Variants in PPP6R2 observed in about 807,000 individuals in gnomAD.
The protein encoded by PPP6R2 is serine/threonine-protein phosphatase 6 regulatory subunit 2.
PPP6R2 carries 62 observed loss-of-function variants against 100.2 expected under a neutral mutation model. The observed-to-expected ratio is 0.62, with a 90% CI of 0.50 to 0.76. PPP6R2 has a LOEUF of 0.76. PPP6R2 is among the 30% of genes least tolerant of loss of function. The pLI is 0.00. For missense variants in PPP6R2, 1,142 were observed against 1,276.3 expected (o/e 0.89, Z 1.60); for synonymous variants, 525 against 514.7 (o/e 1.02, Z -0.27).
intron 3 of PPP6R2, among the ~76,000 whole-genome samples, chr22:50,398,803 G>T (rs1462900324): frequency 6.6e-6 from 1 of 152,188 alleles, no homozygotes; most frequent in African/African-American, 2.4e-5. Context: ...TAAGATTACA[G>T]AAGACACTTT....
chr22:50,334,519 T>C, the PPP6R2 span, among the ~76,000 whole-genome samples: 1 of 152,350 alleles, frequency 6.6e-6, no homozygotes, highest in South Asian at 2.1e-4. Flanking sequence ...CTAGTATAGC[T>C]TCTCGTCGTA....
chr22:50,415,402 C>G (rs888075341), intron 5 of PPP6R2, among the ~76,000 whole-genome samples: 1 of 152,196 alleles, frequency 6.6e-6, no homozygotes, highest in Admixed American at 6.5e-5. Context: ...AATGACTGAC[C>G]GCCACCAACC....
At chr22:50,399,120 G>A (rs1305604202) in intron 3 of PPP6R2, among the ~76,000 whole-genome samples, 4 of 152,132 alleles carry the variant, frequency 2.6e-5, no homozygotes, top group Non-Finnish European at 5.9e-5. Context: ...GGTGGCCGGT[G>A]CCTGTAGTCC....
intron 4 of PPP6R2, among the ~76,000 whole-genome samples, chr22:50,408,518 C>T (rs1047823558): frequency 6.6e-6 from 1 of 152,072 alleles, no homozygotes; most frequent in Non-Finnish European, 1.5e-5. Context: ...AGCAGTGGGT[C>T]GTGCTGGGTG....
intron 1 of PPP6R2, among the ~76,000 whole-genome samples, chr22:50,362,165 T>G (rs1304023983): frequency 6.6e-6 from 1 of 152,166 alleles, no homozygotes; most frequent in Non-Finnish European, 1.5e-5. Flanking sequence ...TTAGCACTGG[T>G]GATGAGGAAG....
chr22:50,342,267 C>T (rs1408615871), upstream of PPP6R2, among the ~76,000 whole-genome samples: 5 of 152,248 alleles, frequency 3.3e-5, no homozygotes, highest in African/African-American at 1.2e-4. Flanking sequence ...GCTTTTTCAC[C>T]CCCACTTCCT....
intron 4 of PPP6R2, among the ~76,000 whole-genome samples, chr22:50,413,937 C>T (rs1054933482): frequency 1.3e-5 from 2 of 152,208 alleles, no homozygotes; most frequent in Middle Eastern, 3.2e-3. Flanking sequence ...TTGGATCCGC[C>T]GTCTGAGCAG....
chr22:50,376,257 C>G (rs916418620), intron 2 of PPP6R2, among the ~76,000 whole-genome samples: 7 of 151,888 alleles, frequency 4.6e-5, no homozygotes, highest in African/African-American at 1.7e-4. Context: ...GAGTTTGAGG[C>G]TGCTGTGAGC....
At chr22:50,393,209 G>T (rs2056013683) in intron 2 of PPP6R2, among the ~76,000 whole-genome samples, 1 of 152,200 alleles carries the variant, frequency 6.6e-6, no homozygotes, top group South Asian at 2.1e-4. Flanking sequence ...GCAAGACCTA[G>T]TGCCCAGTTG....
intron 3 of PPP6R2, among the ~76,000 whole-genome samples, chr22:50,404,083 C>T (rs1306794660): frequency 7.4e-6 from 1 of 134,896 alleles, no homozygotes; most frequent in Admixed American, 7.8e-5. Context: ...GTCACCTGCA[C>T]ATTCTATTTT....
At chr22:50,376,653 G>A (rs1228850730) in intron 2 of PPP6R2, among the ~76,000 whole-genome samples, 3 of 151,916 alleles carry the variant, frequency 2.0e-5, no homozygotes, top group Non-Finnish European at 1.5e-5. Context: ...TGAATTCCTG[G>A]CTTTAAGCAA....
At position 50,431,081 on chromosome 22, in the gene PPP6R2, G is replaced by A. The variant is rs188750733; in HGVS notation, c.1126-92G>A. ...GACTGGACTTGTGAGGAGTTAGGACGCCACCTTTAGGAAGGGTTTCCCTCA... is the reference window on the plus strand; with the variant it reads ...GACTGGACTTGTGAGGAGTTAGGACACCACCTTTAGGAAGGGTTTCCCTCA... On this transcript the variant is annotated intron_variant, in intron 10 of 23. Transcript: ENST00000612753. This position sits in a 1 kb window ranked among gnomAD's most constrained non-coding sequence, Gnocchi z 4.8. The A allele has an allele frequency of 2.1e-4, 223 of 1,080,506 alleles. No homozygotes were observed. The East Asian group carries it at 4.8e-3, about 23-fold the overall frequency. 66.9% of individuals were successfully genotyped at this position (1,080,506 alleles called of 1,614,324 possible). A position where few individuals can be genotyped will look rare whatever the true frequency, so the allele number is the denominator to read the frequency against.
upstream of PPP6R2, among the ~76,000 whole-genome samples, chr22:50,341,063 A>G (rs1279854532): frequency 1.3e-5 from 2 of 151,764 alleles, no homozygotes; most frequent in Non-Finnish European, 2.9e-5. Context: ...GGCGCCCGCC[A>G]CCGCGCCTGG....
rs747636945 is a variant in PPP6R2, at chr22:50,438,299, G to T, written c.1964+1G>T. Reference sequence around the variant, plus strand: ...CTGCCCGGGTGATGGCCAGACCCAGGTGCGGGGCCTGCCCATCCCCACAAA... The same window carrying T: ...CTGCCCGGGTGATGGCCAGACCCAGTTGCGGGGCCTGCCCATCCCCACAAA... On this transcript the variant is annotated splice_donor_variant, in intron 18 of 23. Coordinates refer to ENST00000612753, the MANE Select transcript of PPP6R2 (RefSeq NM_001242898.2). LOFTEE classifies it high-confidence loss of function. 1.2e-6 allele frequency: 2 copies of T among 1,610,456 alleles called. No individual in the cohort carries two copies. Among genetic ancestry groups the T allele is most frequent in the South Asian group, 1.1e-5 (1 of 90,646 alleles).
At chr22:50,427,701 C>T (rs750927260) in intron 10 of PPP6R2, among the ~76,000 whole-genome samples, 24 of 150,150 alleles carry the variant, frequency 1.6e-4, no homozygotes, top group Non-Finnish European at 2.4e-4. Context: ...TACAGGTGCC[C>T]GCCACCACAA....
chr22:50,346,982 G>A (rs1388851553), intron 1 of PPP6R2, among the ~76,000 whole-genome samples: 1 of 150,696 alleles, frequency 6.6e-6, no homozygotes, highest in African/African-American at 2.4e-5. Flanking sequence ...TGTCAGCAAT[G>A]TCCCCACCTG....
At chr22:50,392,915 T>G (rs1015793349) in intron 2 of PPP6R2, among the ~76,000 whole-genome samples, 2 of 152,216 alleles carry the variant, frequency 1.3e-5, no homozygotes, top group African/African-American at 4.8e-5. Context: ...AGTAAAAAAT[T>G]AGATAAGATA....
At chr22:50,411,347 G>A (rs1222035577) in intron 4 of PPP6R2, among the ~76,000 whole-genome samples, 1 of 151,822 alleles carries the variant, frequency 6.6e-6, no homozygotes, top group Non-Finnish European at 1.5e-5. Flanking sequence ...CCAGCTCCTT[G>A]GTGGGGCTGA....
intron 1 of PPP6R2, among the ~76,000 whole-genome samples, chr22:50,366,225 G>A (rs1205780676): frequency 1.3e-5 from 2 of 151,922 alleles, no homozygotes; most frequent in Non-Finnish European, 2.9e-5. Flanking sequence ...TGAGCATTAC[G>A]TCCAAAGCCT....
Sources: gnomAD v4.1 joint callset for allele counts (sites outside exome capture counted in the v4.1 genomes callset) on GRCh38, gnomAD v4.1.1 for gene constraint, Gnocchi (gnomAD v3.1) non-coding constraint, MANE v1.5 for transcripts, NCBI Gene and HGNC (gene_info 2026-07-23, HGNC 2026-07-21) for gene names.